The following MYOCOS variants were observed in gnomAD, a reference collection of about 807,000 sequenced individuals.
MYOCOS encodes myocilin opposite strand protein.
chr1:171,612,687 G>A (rs558461735), intron 1 of MYOCOS, among the ~76,000 whole-genome samples: 2 of 151,832 alleles, frequency 1.3e-5, no homozygotes, highest in African/African-American at 2.4e-5. Flanking sequence ...AAAATTAGCC[G>A]GCCGTGGTGG....
intron 1 of MYOCOS, among the ~76,000 whole-genome samples, chr1:171,608,603 A>G (rs1652297881): frequency 6.6e-6 from 1 of 151,634 alleles, no homozygotes; most frequent in Non-Finnish European, 1.5e-5. Context: ...TTGTATTTTT[A>G]GTAGAGATGG....
intron 1 of MYOCOS, among the ~76,000 whole-genome samples, chr1:171,606,170 G>A (rs1652239385): frequency 6.6e-6 from 1 of 152,192 alleles, no homozygotes; most frequent in Admixed American, 6.5e-5. Context: ...CTGCTCCCTT[G>A]TTGGCTACCT....
At chr1:171,603,592 C>A (rs1023093898) in intron 1 of MYOCOS, among the ~76,000 whole-genome samples, 3 of 152,200 alleles carry the variant, frequency 2.0e-5, no homozygotes, top group Admixed American at 6.5e-5. Context: ...TAAACTACAT[C>A]TATTACAACC....
intron 2 of MYOCOS, among the ~76,000 whole-genome samples, chr1:171,624,365 G>A (rs1158181167): frequency 6.6e-6 from 1 of 152,028 alleles, no homozygotes; most frequent in African/African-American, 2.4e-5. Context: ...AGCTCCTGGG[G>A]CTTAAGCAAT....
intron 1 of MYOCOS, among the ~76,000 whole-genome samples, chr1:171,605,787 A>G (rs1652233479): frequency 6.6e-6 from 1 of 152,314 alleles, no homozygotes; most frequent in East Asian, 1.9e-4. Flanking sequence ...AAGGATATCG[A>G]ACCCCCATCT....
intron 1 of MYOCOS, among the ~76,000 whole-genome samples, chr1:171,601,495 A>AAG (rs1295100498): frequency 2.0e-5 from 3 of 152,070 alleles, no homozygotes; most frequent in Non-Finnish European, 2.9e-5. Context: ...AAAAAAAAAA[A>AAG]AATAGGTCAG....
intron 2 of MYOCOS, among the ~76,000 whole-genome samples, chr1:171,624,616 G>T (rs1030571451): frequency 1.3e-5 from 2 of 151,866 alleles, no homozygotes; most frequent in African/African-American, 4.8e-5. Flanking sequence ...TTTTGTGTGT[G>T]TGTGTGTTTT....
At chr1:171,617,027 G>A (rs968701287) in intron 2 of MYOCOS, among the ~76,000 whole-genome samples, 10 of 152,286 alleles carry the variant, frequency 6.6e-5, no homozygotes, top group Admixed American at 2.6e-4. Context: ...GGAAGCCAGG[G>A]CACAGCATGG....
chr1:171,615,720 C>G (rs761632176), intron 2 of MYOCOS, among the ~76,000 whole-genome samples: 1 of 152,228 alleles, frequency 6.6e-6, no homozygotes, highest in Non-Finnish European at 1.5e-5. Context: ...CCTGCTTGCT[C>G]AAATCAATCA....
intron 2 of MYOCOS, among the ~76,000 whole-genome samples, chr1:171,615,519 C>T (rs536374529): frequency 6.6e-6 from 1 of 152,230 alleles, no homozygotes; most frequent in Non-Finnish European, 1.5e-5. Context: ...CAAAGACAGG[C>T]AGCCCGGTGC....
chr1:171,601,210 AC>A (rs1652135478), intron 1 of MYOCOS: 1 of 152,228 alleles, frequency 6.6e-6, no homozygotes, highest in African/African-American at 2.4e-5. Context: ...ATTTAGTAAG[AC>A]TAGTCTTTAG....
intron 1 of MYOCOS, among the ~76,000 whole-genome samples, chr1:171,611,939 G>A (rs2102934638): frequency 6.6e-6 from 1 of 152,276 alleles, no homozygotes; most frequent in East Asian, 1.9e-4. Flanking sequence ...TTCTGTCTCA[G>A]CAATTACAAT....
At chr1:171,605,041 G>A (rs1177029569) in intron 1 of MYOCOS, among the ~76,000 whole-genome samples, 1 of 151,978 alleles carries the variant, frequency 6.6e-6, no homozygotes, top group Non-Finnish European at 1.5e-5. Flanking sequence ...GACTTTCTGT[G>A]ATGAACTAAA....
upstream of MYOCOS, among the ~76,000 whole-genome samples, chr1:171,620,168 T>C (rs1298254913): frequency 6.6e-6 from 1 of 151,286 alleles, no homozygotes; most frequent in Non-Finnish European, 1.5e-5. Flanking sequence ...GGACAGGGCT[T>C]ACCTTCATTC....
chr1:171,626,249 A>G (rs1219171672), intron 2 of MYOCOS, among the ~76,000 whole-genome samples: 2 of 151,860 alleles, frequency 1.3e-5, no homozygotes, highest in Non-Finnish European at 2.9e-5. Context: ...TGCCTGGCTA[A>G]TTTTTATTTT....
At chr1:171,621,418 C>CAGGCT (rs899001056), upstream of MYOCOS, among the ~76,000 whole-genome samples, 1 of 143,238 alleles carries the variant, frequency 7.0e-6, no homozygotes, top group African/African-American at 2.7e-5. Flanking sequence ...CTCTGTCAAC[C>CAGGCT]AGGCTAGAGT....
chr1:171,605,394 C>CACACAAAA (rs376886204), intron 1 of MYOCOS, among the ~76,000 whole-genome samples: 13 of 127,546 alleles, frequency 1.0e-4, no homozygotes, highest in South Asian at 4.9e-4. Context: ...CACACACACA[C>CACACAAAA]AAAAAAAAAA....
intron 1 of MYOCOS, among the ~76,000 whole-genome samples, chr1:171,609,168 G>T (rs1195399460): frequency 6.6e-6 from 1 of 152,184 alleles, no homozygotes; most frequent in East Asian, 1.9e-4. Context: ...ATCTGAGAGG[G>T]TCTAAGCCCT....
chr1:171,604,543 G>T lies in MYOCOS; in HGVS notation c.-252+3463G>T, dbSNP rs540097890. Among the ~76,000 whole-genome samples, 8 of 152,270 alleles carry T rather than the reference G, an allele frequency of 5.3e-5. No individual in the cohort carries two copies. In the South Asian group the frequency reaches 1.4e-3, roughly 28 times the overall value. ...CTCCTTTGAACCTCCCATGATCACA[G>T]TCTTTGAAGTAAGACTAAGAACTGG... On this transcript the variant is annotated intron_variant, in intron 1 of 3. Transcript: ENST00000636697.
Sources: allele counts gnomAD v4.1 joint callset (sites outside exome capture counted in the v4.1 genomes callset), GRCh38; gene constraint gnomAD v4.1.1; transcripts MANE v1.5; gene names NCBI Gene and HGNC (gene_info 2026-07-23, HGNC 2026-07-21).